DNAH8: variants seen among roughly 807,000 people sequenced by gnomAD.
DNAH8 encodes the protein axonemal beta dynein heavy chain 8.
DNAH8 carries 382 observed loss-of-function variants against 562.1 expected under a neutral mutation model. The ratio of observed to expected loss-of-function variants is 0.68; its 90% CI spans 0.63 to 0.74. The LOEUF (loss-of-function observed/expected upper bound fraction) is 0.74. DNAH8 is among the 30% of genes least tolerant of loss of function. The pLI is 0.00. For synonymous variants in DNAH8, 1,881 were observed against 1,919.4 expected, an observed-to-expected ratio of 0.98 and a Z score of 0.52; for missense variants, 5,203 against 5,620.4, an observed-to-expected ratio of 0.93 and a Z score of 2.37.
intron 36 of DNAH8, among the ~76,000 whole-genome samples, chr6:38,846,144 A>G (rs188708637): frequency 6.1e-4 from 93 of 152,166 alleles, no homozygotes; most frequent in African/African-American, 2.0e-3. Flanking sequence ...CATTCACCCA[A>G]TGGCCCGGGA....
chr6:39,023,731 G>A (rs995130787), intron 91 of DNAH8, among the ~76,000 whole-genome samples: 3 of 152,152 alleles, frequency 2.0e-5, no homozygotes, highest in African/African-American at 7.2e-5. Context: ...GTGCTGCAAG[G>A]ATCATGCTGT....
At chr6:38,801,656 A>G (rs1428049888) in intron 21 of DNAH8, among the ~76,000 whole-genome samples, 1 of 152,236 alleles carries the variant, frequency 6.6e-6, no homozygotes, top group East Asian at 1.9e-4. Context: ...AATAAATTGA[A>G]AAGGACAAAC....
intron 80 of DNAH8, among the ~76,000 whole-genome samples, chr6:38,947,616 G>T (rs1454180173): frequency 6.6e-6 from 1 of 152,172 alleles, no homozygotes; most frequent in Non-Finnish European, 1.5e-5. Flanking sequence ...GACACTGTGG[G>T]CAGGGGCAAG....
chr6:38,831,147 G>C (rs1773798372), intron 30 of DNAH8, among the ~76,000 whole-genome samples: 1 of 152,028 alleles, frequency 6.6e-6, no homozygotes, highest in South Asian at 2.1e-4. Flanking sequence ...ATTCATGGCT[G>C]AGCATGGTGG....
At position 38,823,618 on chromosome 6, in the gene DNAH8, T is replaced by G; in HGVS notation, c.3777T>G (p.Tyr1259Ter). The change falls in exon 28 of 93, where the codon TAT (tyrosine) becomes TAG (stop). Residue 1259 changes from tyrosine (Y) to a stop codon, truncating the protein, a stop_gained. Coordinates refer to ENST00000327475, the MANE Select transcript of DNAH8 (RefSeq NM_001206927.2). LOFTEE classifies it high-confidence loss of function. The part of the protein sequence containing the change: ...LTEIRSEILH[Y>*]ATFEQEIDEL... ...AAATCAGATCAGAAATTCTACACTA[T>G]GCTACTTTTGAACAGGAGATTGATG... 1 of 1,609,664 alleles carries G rather than the reference T, an allele frequency of 6.2e-7. No homozygotes were observed. The highest frequency in any genetic ancestry group is 1.1e-5 in the South Asian group (1 of 90,882).
At chr6:38,830,581 G>A (rs1773747454) in intron 30 of DNAH8, among the ~76,000 whole-genome samples, 2 of 142,442 alleles carry the variant, frequency 1.4e-5, no homozygotes, top group South Asian at 4.4e-4. Flanking sequence ...TTTCCAGTGA[G>A]CCGAGATCGC....
At chr6:38,728,128 G>A (rs572381481) in intron 3 of DNAH8, among the ~76,000 whole-genome samples, 1 of 152,148 alleles carries the variant, frequency 6.6e-6, no homozygotes, top group African/African-American at 2.4e-5. Context: ...TCTATGCCCA[G>A]CTAATTTTTT....
At chr6:38,722,272 C>G (rs1762813104) in intron 1 of DNAH8, among the ~76,000 whole-genome samples, 1 of 152,140 alleles carries the variant, frequency 6.6e-6, no homozygotes, top group African/African-American at 2.4e-5. Flanking sequence ...AGATGGCAGA[C>G]AGTAGAATGT....
intron 8 of DNAH8, among the ~76,000 whole-genome samples, chr6:38,747,140 C>G (rs1041891160): frequency 1.3e-5 from 2 of 152,068 alleles, no homozygotes; most frequent in Non-Finnish European, 1.5e-5. Flanking sequence ...GCGTTGTGTT[C>G]AGTATCTTAC....
At chr6:38,907,829 G>C in intron 63 of DNAH8, 127 bp from the exon 64 acceptor site, 1 of 772,462 alleles carries the variant, frequency 1.3e-6, no homozygotes, top group African/African-American at 1.8e-5. Flanking sequence ...GGATTTGACT[G>C]TGGAGATGCT....
rs141412335 is a variant in DNAH8, at chr6:39,019,945, G to A, written c.13715-6601G>A. ...TAGGGTTGAGCCGGGGCAACCTGGCGGAAGGTGGAAAGAACATTCTGTGAA... is the reference window on the plus strand; with the variant it reads ...TAGGGTTGAGCCGGGGCAACCTGGCAGAAGGTGGAAAGAACATTCTGTGAA... On this transcript the variant is annotated intron_variant, in intron 91 of 92. Coordinates refer to ENST00000327475, the MANE Select transcript of DNAH8 (RefSeq NM_001206927.2). 4.7e-3 allele frequency among the ~76,000 whole-genome samples: 722 copies of A among 152,242 alleles called. 6 individuals are homozygous for A. The highest frequency in any genetic ancestry group is 0.016 in the African/African-American group (644 of 41,526).
chr6:38,914,021 G>A lies in DNAH8; in HGVS notation c.9963+69G>A, dbSNP rs567286673. On this transcript the variant is annotated intron_variant, in intron 67 of 92. Coordinates refer to ENST00000327475, the MANE Select transcript of DNAH8 (RefSeq NM_001206927.2). ...ATATTAAAATGCATTGTTTTAAAAT[G>A]GTACTAAAGAACAAGCAGGGTATAA... The A allele has an allele frequency of 1.2e-4, 141 of 1,205,578 alleles. No individual in the cohort carries two copies. The African/African-American group carries it at 1.7e-3, about 15-fold the overall frequency. 74.7% of individuals were successfully genotyped at this position (1,205,578 alleles called of 1,614,324 possible).
At chr6:38,839,150 T>A (rs12529113) in intron 33 of DNAH8, among the ~76,000 whole-genome samples, 1,603 of 152,256 alleles carry the variant, frequency 0.011, 98 homozygotes, top group Admixed American at 0.094. Context: ...ACCTCTGGGA[T>A]TGGGTCCCAG....
At position 38,911,981 on chromosome 6, in the gene DNAH8, GA is replaced by G. The variant is rs76628709; in HGVS notation, c.9859+400del. On this transcript the variant is annotated intron_variant, in intron 66 of 92. Coordinates refer to ENST00000327475, the MANE Select transcript of DNAH8 (RefSeq NM_001206927.2). ...TAATTTTCCCTACATTTCTAATAAA[GA>G]AAAAGGCAAAATAGAAGCAAAAACA... is the stretch of plus-strand genomic sequence containing the variant. Among the ~76,000 whole-genome samples, 7 of 152,130 alleles carry G rather than the reference GA, an allele frequency of 4.6e-5. No homozygotes were observed. The East Asian group carries it at 1.4e-3, about 29-fold the overall frequency.
chr6:38,904,865 G>T (rs944951429), intron 62 of DNAH8, among the ~76,000 whole-genome samples: 1 of 151,356 alleles, frequency 6.6e-6, no homozygotes, highest in Non-Finnish European at 1.5e-5. Flanking sequence ...TATGCATGAC[G>T]ACACTTTCAG....
intron 81 of DNAH8, 105 bp downstream of exon 81, chr6:38,949,675 A>T (rs1265002203): frequency 1.2e-5 from 8 of 678,504 alleles, no homozygotes; most frequent in African/African-American, 1.8e-5. Context: ...CATTGAAAGT[A>T]ACGGCAAAAA....
At chr6:38,825,927 G>T (rs750040004) in intron 28 of DNAH8, among the ~76,000 whole-genome samples, 16 of 152,180 alleles carry the variant, frequency 1.1e-4, no homozygotes, top group Non-Finnish European at 1.8e-4. Context: ...ATGGGCTGTG[G>T]TGTCAAACTC....
intron 47 of DNAH8, among the ~76,000 whole-genome samples, chr6:38,867,356 C>T (rs1449065753): frequency 6.6e-6 from 1 of 152,078 alleles, no homozygotes; most frequent in Non-Finnish European, 1.5e-5. Context: ...AAATCCCTAA[C>T]CCATTAACCT....
intron 60 of DNAH8, 122 bp from the exon 61 acceptor site, chr6:38,898,136 T>C: frequency 4.5e-6 from 4 of 894,966 alleles, no homozygotes; most frequent in Non-Finnish European, 4.9e-6. Flanking sequence ...CCTCTGGAAA[T>C]CCATAACGTT....
Sources: allele counts gnomAD v4.1 joint callset (sites outside exome capture counted in the v4.1 genomes callset), GRCh38; gene constraint gnomAD v4.1.1; transcripts MANE v1.5; gene names NCBI Gene and HGNC (gene_info 2026-07-23, HGNC 2026-07-21).